The following KALRN variants were observed in gnomAD, a reference collection of about 807,000 sequenced individuals.
KALRN encodes the protein kalirin.
A neutral mutation model predicts 353.7 loss-of-function variants in KALRN; 70 were observed. The observed-to-expected ratio is 0.20, with a 90% confidence interval of 0.16 to 0.24. KALRN has a LOEUF of 0.24. Among genes scored for constraint, KALRN ranks in the 10% least tolerant of loss-of-function variants. KALRN has a pLI of 1.00. For synonymous variants in KALRN, 1,391 were observed against 1,434.8 expected (o/e 0.97, Z 0.69); for missense variants, 2,791 against 3,756.7 (o/e 0.74, Z 6.72).
intron 1 of KALRN, among the ~76,000 whole-genome samples, chr3:124,053,124 C>A (rs1478142323): frequency 1.3e-5 from 2 of 152,110 alleles, no homozygotes; most frequent in Non-Finnish European, 2.9e-5. Context: ...ATAGCCTCGA[C>A]CTCTTGGGCT....
chr3:124,189,595 G>A (rs577875065), intron 1 of KALRN, among the ~76,000 whole-genome samples: 10 of 152,242 alleles, frequency 6.6e-5, no homozygotes, highest in East Asian at 3.9e-4. Flanking sequence ...CTGAGGTCAG[G>A]CGTTCAAGAC....
chr3:124,055,156 C>A (rs2041410119), intron 1 of KALRN, among the ~76,000 whole-genome samples: 1 of 152,170 alleles, frequency 6.6e-6, no homozygotes, highest in African/African-American at 2.4e-5. Context: ...TGATTTTTAG[C>A]ATTTGCCAAC....
chr3:124,176,596 A>G (rs2072796723), intron 1 of KALRN, among the ~76,000 whole-genome samples: 1 of 152,192 alleles, frequency 6.6e-6, no homozygotes, highest in African/African-American at 2.4e-5. Flanking sequence ...GAGGGAGACA[A>G]GCAGGAGAAG....
intron 1 of KALRN, among the ~76,000 whole-genome samples, chr3:124,198,884 A>G (rs1179924327): frequency 6.6e-6 from 1 of 152,172 alleles, no homozygotes; most frequent in Non-Finnish European, 1.5e-5. Flanking sequence ...AGGGATCCAG[A>G]GCAGAGGCTG....
intron 10 of KALRN, among the ~76,000 whole-genome samples, chr3:124,380,494 C>T (rs547634125): frequency 1.3e-5 from 2 of 152,312 alleles, no homozygotes; most frequent in East Asian, 3.9e-4. Flanking sequence ...CAGGTCCTAC[C>T]TGAAAGCTCC....
rs1030907652 is a variant in KALRN at position 124,670,920 on chromosome 3, G to C, written c.6704-740G>C. 1.6e-4 allele frequency among the ~76,000 whole-genome samples: 25 copies of C among 152,206 alleles called. 1 individual carries two copies. Among genetic ancestry groups the C allele is most frequent in the Non-Finnish European group, 1.3e-4 (9 of 68,014 alleles). ...CAAACCTGAGCCATCCTCGATTCTT[G>C]CATTGCTTTTCCCACCTAGGCTGTC... On this transcript the variant is annotated intron_variant, in intron 47 of 59. Transcript: ENST00000682506.
chr3:124,158,613 A>G (rs1403324040), intron 1 of KALRN, among the ~76,000 whole-genome samples: 1 of 152,212 alleles, frequency 6.6e-6, no homozygotes, highest in East Asian at 1.9e-4. Context: ...GCAATCCCTG[A>G]CATGCCCTCT....
chr3:124,362,713 C>T (rs1342743294), intron 10 of KALRN, among the ~76,000 whole-genome samples: 1 of 152,232 alleles, frequency 6.6e-6, no homozygotes, highest in African/African-American at 2.4e-5. Flanking sequence ...TGGACTTTGG[C>T]TCATCACCTG....
In KALRN at chr3:124,666,777, C is replaced by T. The variant is rs149857405; in HGVS notation, c.6531+143C>T. ...ATAACATTCGGTCATGGAGGCTGCACGACAGTGATTATCTGTGAGCTGAAG... is the reference window on the plus strand; with the variant it reads ...ATAACATTCGGTCATGGAGGCTGCATGACAGTGATTATCTGTGAGCTGAAG... On this transcript the variant is annotated intron_variant, in intron 46 of 59. Transcript: ENST00000682506. 2,741 of 750,356 alleles carry T rather than the reference C, an allele frequency of 3.7e-3. 51 individuals are homozygous for T. In the African/African-American group the frequency reaches 0.041, roughly 11 times the overall value. 46.5% of individuals were successfully genotyped at this position (750,356 alleles called of 1,614,324 possible).
intron 1 of KALRN, among the ~76,000 whole-genome samples, chr3:124,199,196 C>T (rs1354098085): frequency 6.6e-6 from 1 of 152,216 alleles, no homozygotes; most frequent in East Asian, 1.9e-4. Context: ...TTGCTGCTTC[C>T]AGTCTAGGCT....
rs1167710294 is a variant in KALRN, at chr3:124,461,876, T to A, written c.3855-14T>A. ...TATCTATATCCAAGTAAAAGCCCATTTGTTTCCTTCTAGATTTATTATGGC... is the reference window on the plus strand; with the variant it reads ...TATCTATATCCAAGTAAAAGCCCATATGTTTCCTTCTAGATTTATTATGGC... On this transcript the variant is annotated splice_polypyrimidine_tract_variant and intron_variant, in intron 23 of 59. Coordinates refer to ENST00000682506, the MANE Select transcript of KALRN (RefSeq NM_001388419.1). 2 of 1,606,024 alleles carry A rather than the reference T, an allele frequency of 1.2e-6. No homozygotes were observed. The highest frequency in any genetic ancestry group is 1.7e-6 in the Non-Finnish European group (2 of 1,173,076).
rs556147576 is a variant in KALRN at position 124,035,812 on chromosome 3, C to G, written c.73+1999C>G. On this transcript the variant is annotated intron_variant, in intron 1 of 59. Transcript: ENST00000682506. ...GTGGGATTCCTATGTTGGGGATATT[C>G]TCCCTCCTCCTTGGGCAGCCCAGTG... Among the ~76,000 whole-genome samples, 5 of 152,342 alleles carry G rather than the reference C, an allele frequency of 3.3e-5. No individual in the cohort carries two copies. In the East Asian group the frequency reaches 9.6e-4, roughly 29 times the overall value.
chr3:124,523,600 T>C (rs1335847188), intron 33 of KALRN, among the ~76,000 whole-genome samples: 2 of 152,246 alleles, frequency 1.3e-5, no homozygotes, highest in Non-Finnish European at 2.9e-5. Context: ...TAATTGAAAG[T>C]TTTCTGTTTC....
At chr3:124,490,461 G>T (rs1577373124) in intron 29 of KALRN, among the ~76,000 whole-genome samples, 1 of 152,048 alleles carries the variant, frequency 6.6e-6, no homozygotes, top group Admixed American at 6.6e-5. Context: ...CACTAATATT[G>T]GTTATGTATA....
At chr3:124,226,119 ATTAG>A (rs2078472453) in intron 1 of KALRN, among the ~76,000 whole-genome samples, 1 of 152,228 alleles carries the variant, frequency 6.6e-6, no homozygotes, top group African/African-American at 2.4e-5. Flanking sequence ...CAAGTCATGT[ATTAG>A]TTAAAGATCC....
chr3:124,101,002 C>T (rs190438605), intron 1 of KALRN, among the ~76,000 whole-genome samples: 133 of 152,220 alleles, frequency 8.7e-4, no homozygotes, highest in Non-Finnish European at 1.5e-3. Flanking sequence ...ACAAAATGAA[C>T]GAAAAACAAG....
intron 5 of KALRN, among the ~76,000 whole-genome samples, chr3:124,274,667 C>T (rs560376062): frequency 1.3e-5 from 2 of 152,290 alleles, no homozygotes; most frequent in East Asian, 1.9e-4. Flanking sequence ...TTGGGAAACA[C>T]CCAAGACAAT....
At chr3:124,404,359 T>C (rs1431291962) in intron 13 of KALRN, among the ~76,000 whole-genome samples, 1 of 152,296 alleles carries the variant, frequency 6.6e-6, no homozygotes, top group East Asian at 1.9e-4. Context: ...TCCTCTATTT[T>C]ATTCACCTCT....
chr3:124,633,263 G>A (rs558276738), intron 35 of KALRN, among the ~76,000 whole-genome samples: 2 of 152,318 alleles, frequency 1.3e-5, no homozygotes, highest in East Asian at 3.9e-4. Context: ...ACTAATGAAC[G>A]CCCATACTGG....
Sources: gnomAD v4.1 joint callset for allele counts (sites outside exome capture counted in the v4.1 genomes callset) on GRCh38, gnomAD v4.1.1 for gene constraint, MANE v1.5 for transcripts, NCBI Gene and HGNC (gene_info 2026-07-23, HGNC 2026-07-21) for gene names.